Variants in GARRE1 observed in about 807,000 individuals in gnomAD.
The protein encoded by GARRE1 is granule associated Rac and RHOG effector 1, also known as granule associated Rac and RHOG effector protein 1.
In GARRE1, 49 loss-of-function variants were observed where a neutral mutation model predicts 103.2. The ratio of observed to expected loss-of-function variants is 0.47; its 90% CI spans 0.38 to 0.60. The LOEUF (loss-of-function observed/expected upper bound fraction) is 0.60. Among genes scored for constraint, GARRE1 ranks in the 20% least tolerant of loss-of-function variants. The probability of loss-of-function intolerance (pLI) is 0.00; values close to 1 mark genes in which losing one functional copy is unlikely to be tolerated. For missense variants in GARRE1, 1,199 were observed against 1,370.5 expected (o/e 0.87, Z 1.98); for synonymous variants, 505 against 532.8 (o/e 0.95, Z 0.72).
intron 8 of GARRE1, among the ~76,000 whole-genome samples, chr19:34,339,487 C>A (rs2074176042): frequency 6.6e-6 from 1 of 152,186 alleles, no homozygotes; most frequent in Admixed American, 6.5e-5. Context: ...GTGTGTTCAC[C>A]AGCGTGGAAG....
At chr19:34,269,837 A>T (rs915543060) in intron 1 of GARRE1, among the ~76,000 whole-genome samples, 2 of 152,194 alleles carry the variant, frequency 1.3e-5, no homozygotes, top group African/African-American at 4.8e-5. Flanking sequence ...CAGTTTTTGC[A>T]TGTCTTCAAG....
At chr19:34,273,658 T>C (rs10426700) in intron 1 of GARRE1, among the ~76,000 whole-genome samples, 117,855 of 151,996 alleles carry the variant, frequency 0.78, 46,283 homozygotes, top group African/African-American at 0.82. Flanking sequence ...TAGCATGTTA[T>C]GCTTCAGTAG....
rs201498230 is a variant in GARRE1 at position 34,339,836 on chromosome 19, C to T, written c.1362-31C>T. ...GAGACACCTTTGCAGAGAAATGCAGCCAAGACTAATGCAGCCTAATCTATG... is the reference window on the plus strand; with the variant it reads ...GAGACACCTTTGCAGAGAAATGCAGTCAAGACTAATGCAGCCTAATCTATG... On this transcript the variant is annotated intron_variant, in intron 8 of 13. Transcript: ENST00000299505. The T allele has an allele frequency of 9.3e-6, 15 of 1,613,508 alleles. No individual in the cohort carries two copies. The East Asian group carries it at 3.3e-4, about 36-fold the overall frequency.
At chr19:34,298,211 T>C (rs1355671596) in intron 1 of GARRE1, among the ~76,000 whole-genome samples, 1 of 150,978 alleles carries the variant, frequency 6.6e-6, no homozygotes, top group African/African-American at 2.4e-5. Context: ...AGCTCAGGAG[T>C]TTGAGACCAG....
chr19:34,299,515 C>T (rs949099501), intron 1 of GARRE1, among the ~76,000 whole-genome samples, 164 bp from the exon 2 acceptor site: 1 of 152,202 alleles, frequency 6.6e-6, no homozygotes, highest in Non-Finnish European at 1.5e-5. Context: ...TTCTAACAGT[C>T]ATCATTTCAT....
chr19:34,286,097 C>T (rs753480010), intron 1 of GARRE1, among the ~76,000 whole-genome samples: 1 of 152,078 alleles, frequency 6.6e-6, no homozygotes, highest in Admixed American at 6.6e-5. Flanking sequence ...TCTGGAAAGC[C>T]GAGACAGGTG....
intron 2 of GARRE1, among the ~76,000 whole-genome samples, chr19:34,313,222 G>A (rs2074044833): frequency 6.6e-6 from 1 of 152,220 alleles, no homozygotes; most frequent in Admixed American, 6.5e-5. Flanking sequence ...GAGAACTGAA[G>A]GAGGTCATCA....
rs1435174160 is a variant in GARRE1, at chr19:34,355,200, C to T, written c.*2245C>T. The T allele has an allele frequency of 6.5e-6, 1 of 152,686 alleles. No individual in the cohort carries two copies. The highest frequency in any genetic ancestry group is 1.5e-5 in the Non-Finnish European group (1 of 68,056). 9.5% of individuals were successfully genotyped at this position (152,686 alleles called of 1,614,324 possible). A position where few individuals can be genotyped will look rare whatever the true frequency, so the allele number is the denominator to read the frequency against. On this transcript the variant is annotated 3_prime_UTR_variant, in exon 14 of 14. Coordinates refer to ENST00000299505, the MANE Select transcript of GARRE1 (RefSeq NM_014686.5). ...GCACAGGTGACGTCACTAATTGTCA[C>T]TTTCCAGTTTGTTTTTCTCTATTAA...
chr19:34,284,418 T>A (rs541814561), intron 1 of GARRE1, among the ~76,000 whole-genome samples: 1 of 152,252 alleles, frequency 6.6e-6, no homozygotes, highest in Non-Finnish European at 1.5e-5. Context: ...AGCCACCATG[T>A]CTGGCCTTCG....
intron 1 of GARRE1, among the ~76,000 whole-genome samples, chr19:34,283,218 T>A (rs1395240123): frequency 1.3e-5 from 2 of 152,218 alleles, no homozygotes; most frequent in African/African-American, 4.8e-5. Flanking sequence ...TATCAATCTT[T>A]AGTCAGATGG....
At chr19:34,285,616 T>C (rs8112165) in intron 1 of GARRE1, among the ~76,000 whole-genome samples, 58,463 of 151,834 alleles carry the variant, frequency 0.39, 14,345 homozygotes, top group Non-Finnish European at 0.54. Context: ...GAGTGAGACT[T>C]CATCTCAAAA....
At chr19:34,255,236 C>T (rs2073664494) in intron 1 of GARRE1, among the ~76,000 whole-genome samples, 1 of 152,208 alleles carries the variant, frequency 6.6e-6, no homozygotes, top group Non-Finnish European at 1.5e-5. Context: ...GGACCCGAGC[C>T]CGAGGGACGA....
chr19:34,352,139 C>A (rs1248733767), intron 13 of GARRE1, among the ~76,000 whole-genome samples: 2 of 151,958 alleles, frequency 1.3e-5, no homozygotes, highest in Non-Finnish European at 2.9e-5. Context: ...AGTGGCGACG[C>A]CTGTAATCCC....
chr19:34,275,737 A>C (rs1425076244), intron 1 of GARRE1, among the ~76,000 whole-genome samples: 1 of 152,148 alleles, frequency 6.6e-6, no homozygotes, highest in African/African-American at 2.4e-5. Flanking sequence ...GGATATATAT[A>C]CCTAGGAGTA....
At chr19:34,264,347 A>G (rs999793126) in intron 1 of GARRE1, among the ~76,000 whole-genome samples, 23 of 152,108 alleles carry the variant, frequency 1.5e-4, no homozygotes, top group Non-Finnish European at 2.9e-4. Context: ...CAGAAACAGG[A>G]CAAGAGCTTT....
In GARRE1 at chr19:34,341,908, G is replaced by C; in HGVS notation, c.1974G>C (p.Met658Ile). 2 of 1,614,128 alleles carry C rather than the reference G, an allele frequency of 1.2e-6. No individual in the cohort carries two copies. The highest frequency in any genetic ancestry group is 1.7e-6 in the Non-Finnish European group (2 of 1,180,018). ...TAGATTTTCTCTCGGGCTTTAACAT[G>C]GGCCAGTCACATCAGGGCTCTCCGT... ...EVIDFLSGFN[M>I]GQSHQGSPLV... Residue 658 changes from methionine to isoleucine, a missense_variant, in exon 10 of 14, where the codon ATG becomes ATC. Physicochemically the swap from Met to Ile is conservative, Grantham distance 10 (BLOSUM62 1). Transcript: ENST00000299505.
At chr19:34,281,160 G>A (rs2073850521) in intron 1 of GARRE1, among the ~76,000 whole-genome samples, 1 of 152,068 alleles carries the variant, frequency 6.6e-6, no homozygotes, top group Non-Finnish European at 1.5e-5. Context: ...TCACTCTGTC[G>A]CCCAGGCTGG....
At chr19:34,286,595 G>A (rs1305088130) in intron 1 of GARRE1, among the ~76,000 whole-genome samples, 8 of 149,236 alleles carry the variant, frequency 5.4e-5, no homozygotes, top group East Asian at 4.0e-4. Flanking sequence ...CAGTGGCACC[G>A]GGATCACGCC....
chr19:34,334,824 C>A (rs552960698), intron 8 of GARRE1, among the ~76,000 whole-genome samples: 2 of 152,068 alleles, frequency 1.3e-5, no homozygotes, highest in Non-Finnish European at 2.9e-5. Flanking sequence ...AAGGCCGAGG[C>A]GGCCAGATCT....
Sources: gnomAD v4.1 joint callset for allele counts (sites outside exome capture counted in the v4.1 genomes callset) on GRCh38, gnomAD v4.1.1 for gene constraint, MANE v1.5 for transcripts, NCBI Gene and HGNC (gene_info 2026-07-23, HGNC 2026-07-21) for gene names.